Variants in TMIGD3 observed in about 807,000 individuals in gnomAD.
The protein encoded by TMIGD3 is transmembrane and immunoglobulin domain containing 3, also known as AD026 protein (AD026).
Under a neutral mutation model 28.1 loss-of-function variants are expected in TMIGD3, and 21 were observed. The observed-to-expected ratio is 0.75, with a 90% CI of 0.53 to 1.08. The LOEUF (loss-of-function observed/expected upper bound fraction) is 1.08. TMIGD3 is among the 50% of genes least tolerant of loss of function. The pLI, the probability that TMIGD3 is intolerant of heterozygous loss-of-function variation, is 0.00. For synonymous variants in TMIGD3, 151 were observed against 162.1 expected, an observed-to-expected ratio of 0.93 and a Z score of 0.52; for missense variants, 416 against 435.6, an observed-to-expected ratio of 0.96 and a Z score of 0.40.
intron 1 of TMIGD3, among the ~76,000 whole-genome samples, chr1:111,519,745 T>C (rs2101002370): frequency 6.6e-6 from 1 of 150,730 alleles, no homozygotes; most frequent in Middle Eastern, 3.5e-3. Flanking sequence ...CAGGTTGGAG[T>C]GCAGTGGCAT....
chr1:111,523,627 T>C (rs965324573), intron 1 of TMIGD3, among the ~76,000 whole-genome samples: 1 of 152,200 alleles, frequency 6.6e-6, no homozygotes. Flanking sequence ...TAAAACTATA[T>C]GGGCTTCGAG....
chr1:111,507,923 G>T (rs1006495701), upstream of TMIGD3, among the ~76,000 whole-genome samples: 4 of 152,236 alleles, frequency 2.6e-5, no homozygotes, highest in African/African-American at 9.6e-5. Flanking sequence ...AAGCCCCGGG[G>T]GTCAGGCTGG....
chr1:111,527,946 G>A (rs574515983), intron 1 of TMIGD3, among the ~76,000 whole-genome samples: 2 of 152,186 alleles, frequency 1.3e-5, no homozygotes, highest in South Asian at 2.1e-4. Context: ...CTTTCAGTCT[G>A]TGGCTTATCA....
intron 1 of TMIGD3, among the ~76,000 whole-genome samples, chr1:111,520,013 G>A (rs546430255): frequency 6.6e-6 from 1 of 152,142 alleles, no homozygotes; most frequent in South Asian, 2.1e-4. Flanking sequence ...CTTCTTTGCT[G>A]GGCCCTGTTG....
intron 1 of TMIGD3, among the ~76,000 whole-genome samples, chr1:111,497,567 A>G (rs1229381225): frequency 6.6e-6 from 1 of 152,224 alleles, no homozygotes; most frequent in Admixed American, 6.5e-5. Flanking sequence ...ACCTTAAGTC[A>G]GGAGATTCCC....
At chr1:111,521,677 G>A (rs1039160000) in intron 1 of TMIGD3, among the ~76,000 whole-genome samples, 21 of 152,104 alleles carry the variant, frequency 1.4e-4, no homozygotes, top group South Asian at 4.1e-4. Flanking sequence ...TAAGTCTTTC[G>A]TCAGATATAA....
At chr1:111,499,785 A>T in intron 1 of TMIGD3, 1 of 1,452,854 alleles carries the variant, frequency 6.9e-7, no homozygotes, top group East Asian at 2.4e-5. Flanking sequence ...GGAGGAAGAG[A>T]GTAGTGGAGT....
At chr1:111,536,326 A>C (rs1656639011) in intron 1 of TMIGD3, among the ~76,000 whole-genome samples, 1 of 152,146 alleles carries the variant, frequency 6.6e-6, no homozygotes, top group Non-Finnish European at 1.5e-5. Flanking sequence ...GACACAGATC[A>C]ACTTCCACAT....
intron 1 of TMIGD3, among the ~76,000 whole-genome samples, chr1:111,502,348 GA>G (rs1655267263): frequency 7.3e-6 from 1 of 137,012 alleles, no homozygotes; most frequent in Admixed American, 7.6e-5. Context: ...TTATTATAAT[GA>G]ATATATATAG....
At chr1:111,489,068 C>CACA in intron 2 of TMIGD3, 44 bp from the exon 3 acceptor site, 1 of 1,499,138 alleles carries the variant, frequency 6.7e-7, no homozygotes, top group Non-Finnish European at 9.1e-7. Flanking sequence ...CACACACACA[C>CACA]CATTGTTCTC....
chr1:111,485,729 T>G lies in TMIGD3; in HGVS notation c.973+11A>C. ...TCTTGCCCACCCCCTCCCTCAACAA[T>G]AGCTACTTACCCCTTCTATTCCTTT... On this transcript the variant is annotated intron_variant, in intron 5 of 5. Transcript: ENST00000369716. The G allele has an allele frequency of 3.2e-6, 2 of 631,794 alleles. No homozygotes were observed. The highest frequency in any genetic ancestry group is 5.6e-6 in the Non-Finnish European group (2 of 359,630). The allele number at this position is 631,794 out of a possible 1,614,324, so 39.1% of individuals were successfully genotyped here. A position where few individuals can be genotyped will look rare whatever the true frequency, so the allele number is the denominator to read the frequency against.
chr1:111,500,235 C>T, intron 1 of TMIGD3: 1 of 1,614,150 alleles, frequency 6.2e-7, no homozygotes. Context: ...TCTTGAACTC[C>T]CGTCCATAAA....
intron 1 of TMIGD3, among the ~76,000 whole-genome samples, chr1:111,555,443 A>G (rs1209383255): frequency 6.6e-6 from 1 of 151,144 alleles, no homozygotes; most frequent in African/African-American, 2.4e-5. Context: ...AAAAATTTTT[A>G]ATGTAATAAT....
At chr1:111,536,649 CA>C (rs941885440) in intron 1 of TMIGD3, among the ~76,000 whole-genome samples, 1 of 151,984 alleles carries the variant, frequency 6.6e-6, no homozygotes, top group Admixed American at 6.5e-5. Flanking sequence ...TTTTTTTTGT[CA>C]TTTATGTTCA....
At position 111,483,590 on chromosome 1, in the gene TMIGD3, TG is replaced by T; in HGVS notation, c.*96del. The T allele has an allele frequency of 9.6e-7, 1 of 1,038,136 alleles. No individual in the cohort carries two copies. Among genetic ancestry groups the T allele is most frequent in the Non-Finnish European group, 1.5e-6 (1 of 676,782 alleles). The allele number at this position is 1,038,136 out of a possible 1,614,324, so 64.3% of individuals were successfully genotyped here. On this transcript the variant is annotated 3_prime_UTR_variant, in exon 6 of 6. Transcript: ENST00000369716. ...AGGATAGAGGGTCCTTCAGAATTCCTGGGAGATCAGAATCAGTCTCTGAGGT... is the reference window on the plus strand; with the variant it reads ...AGGATAGAGGGTCCTTCAGAATTCCTGGAGATCAGAATCAGTCTCTGAGGT...
intron 1 of TMIGD3, among the ~76,000 whole-genome samples, chr1:111,559,275 G>T (rs7534436): frequency 0.11 from 16,116 of 151,968 alleles, 2,177 homozygotes; most frequent in African/African-American, 0.31. Flanking sequence ...AAGAAATTAG[G>T]ACTAAAGCAA....
chr1:111,541,676 G>C (rs959567495), intron 1 of TMIGD3, among the ~76,000 whole-genome samples: 1 of 143,092 alleles, frequency 7.0e-6, no homozygotes, highest in Admixed American at 6.7e-5. Flanking sequence ...GAGAGAGAGA[G>C]AGAAAGAGAG....
At chr1:111,506,643 T>C (rs1356613267), upstream of TMIGD3, among the ~76,000 whole-genome samples, 2 of 152,142 alleles carry the variant, frequency 1.3e-5, no homozygotes, top group African/African-American at 2.4e-5. Context: ...GGGTTTGATG[T>C]TGCCATGCTA....
At chr1:111,487,141 G>A (rs3767602) in intron 3 of TMIGD3, among the ~76,000 whole-genome samples, 13,132 of 152,218 alleles carry the variant, frequency 0.086, 769 homozygotes, top group East Asian at 0.26. Context: ...GACCACCTAC[G>A]ATACCCCCTC....
Sources: gnomAD v4.1 joint callset for allele counts (sites outside exome capture counted in the v4.1 genomes callset) on GRCh38, gnomAD v4.1.1 for gene constraint, MANE v1.5 for transcripts, NCBI Gene and HGNC (gene_info 2026-07-23, HGNC 2026-07-21) for gene names.